The following ERLIN2 variants were observed in gnomAD, a reference collection of about 807,000 sequenced individuals.
ERLIN2 encodes erlin-2.
In ERLIN2, 22 loss-of-function variants were observed where a neutral mutation model predicts 41.5. That is an observed-to-expected ratio of 0.53 (90% CI 0.38 to 0.76). The LOEUF (loss-of-function observed/expected upper bound fraction) is 0.76, where lower values mean the gene tolerates loss of function less well. ERLIN2 is among the 30% of genes least tolerant of loss of function. The pLI is 0.00. For missense variants in ERLIN2, 247 were observed against 414.3 expected, an observed-to-expected ratio of 0.60 and a Z score of 3.51; for synonymous variants, 149 against 150.9, an observed-to-expected ratio of 0.99 and a Z score of 0.09.
At position 37,756,059 on chromosome 8, in the gene ERLIN2, G is replaced by A. The variant is rs1339469876; in HGVS notation, c.*1944G>A. On this transcript the variant is annotated 3_prime_UTR_variant, in exon 12 of 12. Transcript: ENST00000519638. Reference sequence around the variant, plus strand: ...GAAATATTAGCCGGGCATGGTGTCAGGCACCTGTAATCCCAGCTACTTGGG... The same window carrying A: ...GAAATATTAGCCGGGCATGGTGTCAAGCACCTGTAATCCCAGCTACTTGGG... 6.6e-6 allele frequency: 1 copy of A among 152,228 alleles called. No individual in the cohort carries two copies. The highest frequency in any genetic ancestry group is 2.4e-5 in the African/African-American group (1 of 41,398). 9.4% of individuals were successfully genotyped at this position (152,228 alleles called of 1,614,324 possible). A position where few individuals can be genotyped will look rare whatever the true frequency, so the allele number is the denominator to read the frequency against.
rs1292393250 is a variant in ERLIN2, at chr8:37,757,481, C to G, written c.*3366C>G. 1 of 152,146 alleles carries G rather than the reference C, an allele frequency of 6.6e-6. No individual in the cohort carries two copies. Among genetic ancestry groups the G allele is most frequent in the Non-Finnish European group, 1.5e-5 (1 of 68,034 alleles). The allele number at this position is 152,146 out of a possible 1,614,324, so 9.4% of individuals were successfully genotyped here. On this transcript the variant is annotated 3_prime_UTR_variant, in exon 12 of 12. Coordinates refer to ENST00000519638, the MANE Select transcript of ERLIN2 (RefSeq NM_007175.8). ...GCAAACTACTTCTACTTTCAAAGAGCCCCAAGGGCTTAATGACCCCATTTG... is the reference window on the plus strand; with the variant it reads ...GCAAACTACTTCTACTTTCAAAGAGGCCCAAGGGCTTAATGACCCCATTTG...
chr8:37,744,566 C>T lies in ERLIN2; in HGVS notation c.299-5C>T. On this transcript the variant is annotated splice_region_variant and splice_polypyrimidine_tract_variant and intron_variant, in intron 5 of 11. Transcript: ENST00000519638. ...CTTATGCCAAGCCCTCTCCTTCCCT[C>T]TCAGTGTATGATATAGTGAAGAACT... The T allele has an allele frequency of 1.2e-6, 2 of 1,614,074 alleles. No homozygotes were observed. The highest frequency in any genetic ancestry group is 2.2e-5 in the South Asian group (2 of 91,072).
chr8:37,747,389 C>T, intron 6 of ERLIN2: 1 of 1,522,126 alleles, frequency 6.6e-7, no homozygotes. Context: ...TTCTTGGCTT[C>T]CCATTCAGCC....
In ERLIN2 at chr8:37,744,403, G is replaced by C. The variant is rs778466092; in HGVS notation, c.285G>C (p.Leu95=). 4 of 1,613,998 alleles carry C rather than the reference G, an allele frequency of 2.5e-6. No individual in the cohort carries two copies. In the South Asian group the frequency reaches 4.4e-5, roughly 18 times the overall value. The change falls in exon 5 of 12, where the codon CTG becomes CTC. Residue 95 remains leucine (L), a synonymous_variant. Coordinates refer to ENST00000519638, the MANE Select transcript of ERLIN2 (RefSeq NM_007175.8). ...YFDRIEVVNF[L]VPNAVYDIVK... ...ACAGAATTGAAGTGGTGAACTTCCT[G>C]GTCCCGAACGCAGGTACGTCTTAAC...
rs1169446426 is a variant in ERLIN2, at chr8:37,749,585, G to C, written c.451G>C (p.Ala151Pro). 1 of 1,613,746 alleles carries C rather than the reference G, an allele frequency of 6.2e-7. No homozygotes were observed. Among genetic ancestry groups the C allele is most frequent in the Non-Finnish European group, 8.5e-7 (1 of 1,179,732 alleles). Residue 151 changes from alanine to proline, a missense_variant, in exon 7 of 12, where the codon GCT becomes CCT. Physicochemically the swap from Ala to Pro is conservative, Grantham distance 27. Coordinates refer to ENST00000519638, the MANE Select transcript of ERLIN2 (RefSeq NM_007175.8). ...TCAGATTGATGAAAATCTCAAACTG[G>C]CTTTGCAACAGGACCTGACCTCCAT... ...FDQIDENLKL[A>P]LQQDLTSMAP...
intron 8 of ERLIN2, 53 bp downstream of exon 8, chr8:37,749,905 C>G: frequency 6.7e-7 from 1 of 1,486,772 alleles, no homozygotes; most frequent in South Asian, 1.1e-5. Context: ...CACCTCCCAC[C>G]TCGTCCCATC....
At position 37,754,226 on chromosome 8, in the gene ERLIN2, G is replaced by A. The variant is rs1554517823; in HGVS notation, c.*111G>A. On this transcript the variant is annotated 3_prime_UTR_variant, in exon 12 of 12. Transcript: ENST00000519638. Reference sequence around the variant, plus strand: ...CTTCTCTGACTGTCTTCCAGTTACTGTGGTGAAAAAGAAGAAATGAACTTA... The same window carrying A: ...CTTCTCTGACTGTCTTCCAGTTACTATGGTGAAAAAGAAGAAATGAACTTA... 2.3e-6 allele frequency: 2 copies of A among 864,382 alleles called. No homozygotes were observed. The highest frequency in any genetic ancestry group is 3.8e-6 in the Non-Finnish European group (2 of 525,002). The allele number at this position is 864,382 out of a possible 1,614,324, so 53.5% of individuals were successfully genotyped here. A position where few individuals can be genotyped will look rare whatever the true frequency, so the allele number is the denominator to read the frequency against.
At chr8:37,749,731 G>A in intron 7 of ERLIN2, 63 bp from the exon 8 acceptor site, 1 of 1,558,694 alleles carries the variant, frequency 6.4e-7, no homozygotes, top group Non-Finnish European at 8.9e-7. Flanking sequence ...GGCCCAGTGG[G>A]AGCTGGGTGT....
At chr8:37,740,184 G>C (rs1802799467) in intron 2 of ERLIN2, among the ~76,000 whole-genome samples, 181 bp from the exon 3 acceptor site, 1 of 152,106 alleles carries the variant, frequency 6.6e-6, no homozygotes, top group African/African-American at 2.4e-5. Context: ...TTACCATCAG[G>C]CTTCCTAGAA....
rs1802719974 is a variant in ERLIN2, at chr8:37,738,127, A to T, written c.107+98A>T. ...CAGATTCTGCTGAACATCTCTATTT[A>T]TATTTCCTTGAATAGGGGAGCCTTT... On this transcript the variant is annotated intron_variant, in intron 2 of 11. Transcript: ENST00000519638. 2.8e-6 allele frequency: 4 copies of T among 1,440,522 alleles called. No homozygotes were observed. In the East Asian group the frequency reaches 6.8e-5, roughly 25 times the overall value. The allele number at this position is 1,440,522 out of a possible 1,614,324, so 89.2% of individuals were successfully genotyped here. A position where few individuals can be genotyped will look rare whatever the true frequency, so the allele number is the denominator to read the frequency against.
Position 37,741,406 on chromosome 8 carries a change from G to T in ERLIN2, c.190-366G>T, listed in dbSNP as rs1802847308. 6.6e-6 allele frequency among the ~76,000 whole-genome samples: 1 copy of T among 152,134 alleles called. No homozygotes were observed. Among genetic ancestry groups the T allele is most frequent in the Non-Finnish European group, 1.5e-5 (1 of 68,032 alleles). On this transcript the variant is annotated intron_variant, in intron 3 of 11. Transcript: ENST00000519638. This position sits in a 1 kb window ranked among gnomAD's most constrained non-coding sequence, Gnocchi z 4.8. ...AACTTTATCATAGGTATGTGTTATA[G>T]GGTTTGGTACTCTCCCCGGTTTCAA...
chr8:37,746,463 T>C (rs1803054097), intron 6 of ERLIN2: 6 of 984,688 alleles, frequency 6.1e-6, no homozygotes, highest in Non-Finnish European at 7.2e-6. Flanking sequence ...GATATAGTTA[T>C]CACTGAAGCA....
chr8:37,745,062 C>T (rs1387277469), intron 6 of ERLIN2: 29 of 565,182 alleles, frequency 5.1e-5, no homozygotes, highest in East Asian at 5.6e-5. Flanking sequence ...CCAGCATCCT[C>T]ATTTTAAGCT....
chr8:37,736,839 T>A, intron 1 of ERLIN2, 161 bp downstream of exon 1: 1 of 985,850 alleles, frequency 1.0e-6, no homozygotes, highest in Non-Finnish European at 1.2e-6. Context: ...CGTCCTCTCC[T>A]TGCGAGCCGC....
intron 6 of ERLIN2, among the ~76,000 whole-genome samples, 189 bp from the exon 7 acceptor site, chr8:37,749,370 G>A (rs1172343343): frequency 6.6e-6 from 1 of 152,184 alleles, no homozygotes; most frequent in African/African-American, 2.4e-5. Flanking sequence ...TCACCATGTA[G>A]AGGGCTGCCT....
chr8:37,753,871 T>C (rs1458337946), intron 11 of ERLIN2, 44 bp from the exon 12 acceptor site: 1 of 1,563,498 alleles, frequency 6.4e-7, no homozygotes, highest in Non-Finnish European at 8.8e-7. Context: ...CCTTCTCTAA[T>C]ATGGTTCAAC....
At chr8:37,739,524 G>A (rs1020341890) in intron 2 of ERLIN2, among the ~76,000 whole-genome samples, 8 of 151,704 alleles carry the variant, frequency 5.3e-5, no homozygotes, top group African/African-American at 1.9e-4. Flanking sequence ...TGCCCAGGCT[G>A]GAGTGCAGTG....
At chr8:37,737,090 C>T (rs1802672723) in intron 1 of ERLIN2, 7 of 569,372 alleles carry the variant, frequency 1.2e-5, no homozygotes, top group South Asian at 7.6e-5. Context: ...CTCACGGGCC[C>T]ACGCACGCAC....
chr8:37,747,751 A>T, intron 6 of ERLIN2: 1 of 1,602,588 alleles, frequency 6.2e-7, no homozygotes. Context: ...CTGTAGTTCA[A>T]TGCCTTCAGG....
Sources: allele counts gnomAD v4.1 joint callset (sites outside exome capture counted in the v4.1 genomes callset), GRCh38; gene constraint gnomAD v4.1.1; non-coding constraint Gnocchi (gnomAD v3.1); transcripts MANE v1.5; gene names NCBI Gene and HGNC (gene_info 2026-07-23, HGNC 2026-07-21).